CSMD1: variants seen among roughly 807,000 people sequenced by gnomAD.
The protein encoded by CSMD1 is CUB and Sushi multiple domains 1.
CSMD1 carries 213 observed loss-of-function variants against 417.5 expected under a neutral mutation model. The observed-to-expected ratio is 0.51, with a 90% confidence interval of 0.46 to 0.57. The LOEUF is 0.57. CSMD1 is among the 20% of genes least tolerant of loss of function. The pLI is 0.00. For synonymous variants in CSMD1, 2,862 were observed against 1,736.8 expected (o/e 1.65, Z -16.11); for missense variants, 6,923 against 4,529.7 (o/e 1.53, Z -15.17).
intron 3 of CSMD1, among the ~76,000 whole-genome samples, chr8:4,377,543 A>C (rs1427964280): frequency 6.6e-6 from 1 of 152,222 alleles, no homozygotes; most frequent in Non-Finnish European, 1.5e-5. Flanking sequence ...ATATACTCAA[A>C]GTTGAGTCAG....
intron 2 of CSMD1, among the ~76,000 whole-genome samples, chr8:4,597,397 G>C (rs1269620115): frequency 6.6e-6 from 1 of 152,076 alleles, no homozygotes; most frequent in Non-Finnish European, 1.5e-5. Context: ...CCTGACCAAG[G>C]TTAAATATCC....
chr8:4,497,104 G>T (rs1238951077), intron 2 of CSMD1, among the ~76,000 whole-genome samples: 1 of 152,162 alleles, frequency 6.6e-6, no homozygotes, highest in Non-Finnish European at 1.5e-5. Context: ...TTCAGCAGCA[G>T]TGACATCCCA....
rs150330456 is a variant in CSMD1, at chr8:3,721,949, G to A, written c.932-13458C>T. Among the ~76,000 whole-genome samples the A allele has an allele frequency of 4.9e-3, 740 of 152,202 alleles. 5 individuals carry two copies. Among genetic ancestry groups the A allele is most frequent in the African/African-American group, 0.016 (659 of 41,514 alleles). On this transcript the variant is annotated intron_variant, in intron 6 of 69. Transcript: ENST00000635120. ...TCTACATGCCACAGGTGCACCCAAGGCCGTCCTCATCCCTCACCTCCTGCT... is the reference window on the plus strand; with the variant it reads ...TCTACATGCCACAGGTGCACCCAAGACCGTCCTCATCCCTCACCTCCTGCT...
chr8:4,107,961 A>G (rs748937732), intron 3 of CSMD1, among the ~76,000 whole-genome samples: 2 of 152,146 alleles, frequency 1.3e-5, no homozygotes, highest in Non-Finnish European at 2.9e-5. Flanking sequence ...ACTGCAGTAA[A>G]AGTAGCATTG....
chr8:4,348,479 C>A (rs1194709566), intron 3 of CSMD1, among the ~76,000 whole-genome samples: 1 of 151,892 alleles, frequency 6.6e-6, no homozygotes, highest in Non-Finnish European at 1.5e-5. Context: ...CTTCATATTT[C>A]TTTCCACAAA....
At chr8:3,609,361 T>G (rs991741577) in intron 8 of CSMD1, among the ~76,000 whole-genome samples, 4 of 152,224 alleles carry the variant, frequency 2.6e-5, no homozygotes, top group Non-Finnish European at 5.9e-5. Flanking sequence ...TCAATTGTGA[T>G]GAATACACTT....
chr8:4,507,495 T>G (rs1023333023), intron 2 of CSMD1, among the ~76,000 whole-genome samples: 1 of 152,170 alleles, frequency 6.6e-6, no homozygotes, highest in African/African-American at 2.4e-5. Flanking sequence ...TACAAGAGTC[T>G]AACCCTCTAG....
chr8:4,872,254 G>C (rs536575181), intron 1 of CSMD1, among the ~76,000 whole-genome samples: 9 of 152,026 alleles, frequency 5.9e-5, no homozygotes, highest in Non-Finnish European at 1.0e-4. Context: ...TTTTCTCTGT[G>C]TGTGTTTTTG....
rs1563223608 is a variant in CSMD1, at chr8:4,486,146, TATATATATATACATAC to T, written c.303-66097_303-66082del. Reference sequence around the variant, plus strand: ...ACATATATATATATATACATACATATATATATATATACATACATATATATATATACATACATATATA... The same window carrying T: ...ACATATATATATATATACATACATATATATATATATATACATACATATATA... On this transcript the variant is annotated intron_variant, in intron 2 of 69. Transcript: ENST00000635120. Among the ~76,000 whole-genome samples, 110 of 24,092 alleles carry T rather than the reference TATATATATATACATAC, an allele frequency of 4.6e-3. No homozygotes were observed. In the East Asian group the frequency reaches 0.056, roughly 12 times the overall value. The allele number at this position is 24,092 out of a possible 152,430, so 15.8% of individuals were successfully genotyped here.
intron 5 of CSMD1, among the ~76,000 whole-genome samples, chr8:3,916,640 C>A (rs973075927): frequency 6.6e-6 from 1 of 152,070 alleles, no homozygotes; most frequent in Non-Finnish European, 1.5e-5. Context: ...CATATAGGTA[C>A]CCTGACAGGC....
At chr8:3,077,170 C>G (rs76220557) in intron 49 of CSMD1, among the ~76,000 whole-genome samples, 4 of 152,140 alleles carry the variant, frequency 2.6e-5, no homozygotes. Context: ...TCGTGCAGGG[C>G]TGGGAGTCAG....
At chr8:3,666,871 T>C (rs1331008931) in intron 7 of CSMD1, among the ~76,000 whole-genome samples, 1 of 152,158 alleles carries the variant, frequency 6.6e-6, no homozygotes, top group East Asian at 1.9e-4. Context: ...CTCAGATAGG[T>C]CTTTATCAGC....
chr8:3,645,584 T>C (rs979903832), intron 7 of CSMD1, among the ~76,000 whole-genome samples: 2 of 152,092 alleles, frequency 1.3e-5, no homozygotes, highest in African/African-American at 4.8e-5. Context: ...CAAGGGATCA[T>C]GGGAAGAGTC....
intron 5 of CSMD1, among the ~76,000 whole-genome samples, chr8:3,833,248 G>T (rs988582989): frequency 6.6e-6 from 1 of 151,988 alleles, no homozygotes; most frequent in Non-Finnish European, 1.5e-5. Flanking sequence ...TATTACACAT[G>T]TTGATAATAT....
chr8:3,024,267 A>T (rs549287644), intron 51 of CSMD1, among the ~76,000 whole-genome samples: 7 of 142,456 alleles, frequency 4.9e-5, no homozygotes, highest in Non-Finnish European at 9.1e-5. Context: ...TGTAGATCCC[A>T]GATAATGTTT....
intron 3 of CSMD1, among the ~76,000 whole-genome samples, chr8:4,349,820 CTTT>C (rs35007995): frequency 0.089 from 12,442 of 139,386 alleles, 596 homozygotes; most frequent in South Asian, 0.22. Flanking sequence ...ATGATATGAC[CTTT>C]TTTTTTTTTT....
chr8:3,763,130 C>G (rs1254840225), intron 5 of CSMD1, among the ~76,000 whole-genome samples: 1 of 152,208 alleles, frequency 6.6e-6, no homozygotes, highest in African/African-American at 2.4e-5. Flanking sequence ...ACTCAATGCA[C>G]ATTGGCTGAA....
intron 3 of CSMD1, among the ~76,000 whole-genome samples, chr8:4,246,027 T>C (rs1802689128): frequency 1.3e-5 from 2 of 152,266 alleles, no homozygotes; most frequent in East Asian, 1.9e-4. Context: ...GTTGTTGTTG[T>C]TTGATTTTTA....
At chr8:3,697,902 T>C (rs577528047) in intron 7 of CSMD1, among the ~76,000 whole-genome samples, 155 of 146,852 alleles carry the variant, frequency 1.1e-3, no homozygotes, top group East Asian at 9.3e-3. Context: ...CAAAGTGAGT[T>C]TTTCCCTTTA....
Sources: allele counts gnomAD v4.1 joint callset (sites outside exome capture counted in the v4.1 genomes callset), GRCh38; gene constraint gnomAD v4.1.1; transcripts MANE v1.5; gene names NCBI Gene and HGNC (gene_info 2026-07-23, HGNC 2026-07-21).